The following MYO3B variants were observed in gnomAD, a reference collection of about 807,000 sequenced individuals.
The protein encoded by MYO3B is myosin IIIB.
MYO3B carries 156 observed loss-of-function variants against 174.6 expected under a neutral mutation model. The ratio of observed to expected loss-of-function variants is 0.89; its 90% CI spans 0.78 to 1.02. MYO3B has a LOEUF of 1.02. MYO3B is among the 50% of genes least tolerant of loss of function. The probability of loss-of-function intolerance (pLI) is 0.00; values close to 1 mark genes in which losing one functional copy is unlikely to be tolerated. For missense variants in MYO3B, 1,632 were observed against 1,639.4 expected (o/e 1.00, Z 0.08); for synonymous variants, 563 against 569.1 (o/e 0.99, Z 0.15).
At position 170,455,707 on chromosome 2, in the gene MYO3B, T is replaced by C. The variant is rs1473120135; in HGVS notation, c.2731-7661T>C. On this transcript the variant is annotated intron_variant, in intron 23 of 34. Coordinates refer to ENST00000408978, the MANE Select transcript of MYO3B (RefSeq NM_138995.5). ...GTGGAGCCCATATGTATATAGAAGC[T>C]TGCTCAACTGCTGTGGTGTAGGGAC... Among the ~76,000 whole-genome samples, 4 of 152,308 alleles carry C rather than the reference T, an allele frequency of 2.6e-5. No homozygotes were observed. The East Asian group carries it at 7.7e-4, about 29-fold the overall frequency.
At chr2:170,478,433 A>G (rs1001269043) in intron 25 of MYO3B, among the ~76,000 whole-genome samples, 6 of 152,084 alleles carry the variant, frequency 3.9e-5, no homozygotes, top group Non-Finnish European at 8.8e-5. Flanking sequence ...TAAGAGTCAG[A>G]AAGTGCAGAC....
At chr2:170,360,346 C>T (rs572729788) in intron 8 of MYO3B, among the ~76,000 whole-genome samples, 17 of 152,104 alleles carry the variant, frequency 1.1e-4, no homozygotes, top group South Asian at 2.1e-4. Context: ...AATTGATTTT[C>T]GAATCAAAGA....
At chr2:170,501,974 C>A (rs561403063) in intron 28 of MYO3B, 109 bp downstream of exon 28, 18 of 717,306 alleles carry the variant, frequency 2.5e-5, no homozygotes, top group African/African-American at 2.1e-4. Context: ...TGGAATGAGT[C>A]AAGAGTTCTG....
chr2:170,473,267 C>T (rs945499366), intron 25 of MYO3B, among the ~76,000 whole-genome samples: 3 of 151,124 alleles, frequency 2.0e-5, no homozygotes, highest in African/African-American at 4.9e-5. Flanking sequence ...CTCAGCCTCC[C>T]GAGTAGCTGG....
intron 29 of MYO3B, among the ~76,000 whole-genome samples, chr2:170,518,890 G>A (rs996799274): frequency 2.0e-5 from 3 of 152,300 alleles, no homozygotes; most frequent in Non-Finnish European, 4.4e-5. Context: ...GATTAGCCAT[G>A]GTCACTGGAA....
intron 32 of MYO3B, among the ~76,000 whole-genome samples, chr2:170,649,554 C>A (rs377237699): frequency 6.8e-6 from 1 of 147,584 alleles, no homozygotes; most frequent in African/African-American, 2.5e-5. Flanking sequence ...AAGCTGGGCA[C>A]GGTGGCTCAT....
At chr2:170,466,795 C>G (rs1438642068) in intron 25 of MYO3B, 84 bp downstream of exon 25, 7 of 1,384,938 alleles carry the variant, frequency 5.1e-6, no homozygotes, top group Non-Finnish European at 7.0e-6. Context: ...GTTCCTCCTG[C>G]GTGCTCTCCT....
At chr2:170,357,491 T>C (rs2094131523) in intron 8 of MYO3B, among the ~76,000 whole-genome samples, 1 of 151,638 alleles carries the variant, frequency 6.6e-6, no homozygotes. Flanking sequence ...AAGTCTTTTA[T>C]TTGGTATTCT....
chr2:170,421,050 A>G (rs890613512), intron 22 of MYO3B, among the ~76,000 whole-genome samples: 36 of 152,008 alleles, frequency 2.4e-4, no homozygotes, highest in African/African-American at 8.7e-4. Flanking sequence ...ACCTCTTTCC[A>G]TCGTCTAGAG....
At chr2:170,196,082 T>C (rs2092596977) in intron 1 of MYO3B, among the ~76,000 whole-genome samples, 1 of 152,224 alleles carries the variant, frequency 6.6e-6, no homozygotes, top group Non-Finnish European at 1.5e-5. Context: ...GCTTTACTCT[T>C]CTTTCTGAAA....
In MYO3B at chr2:170,602,083, C is replaced by T. The variant is rs2106344467; in HGVS notation, c.3734-49545C>T. ...TTTATCTTTAGCAGACATGGCCTTC[C>T]ACCTCTCTGAGCACTTCTTAGAAAA... On this transcript the variant is annotated intron_variant, in intron 32 of 34. Coordinates refer to ENST00000408978, the MANE Select transcript of MYO3B (RefSeq NM_138995.5). The T allele has an allele frequency of 4.0e-5, 45 of 1,124,306 alleles. 1 individual carries two copies. The South Asian group carries it at 5.3e-4, about 13-fold the overall frequency. 69.6% of individuals were successfully genotyped at this position (1,124,306 alleles called of 1,614,324 possible). A position where few individuals can be genotyped will look rare whatever the true frequency, so the allele number is the denominator to read the frequency against.
chr2:170,193,921 A>T (rs28711722), intron 1 of MYO3B, among the ~76,000 whole-genome samples: 4 of 152,116 alleles, frequency 2.6e-5, no homozygotes, highest in African/African-American at 9.7e-5. Context: ...TTTTCTGTTT[A>T]ATTTGATTAT....
chr2:170,491,214 C>A (rs72880124), intron 25 of MYO3B, among the ~76,000 whole-genome samples: 15,841 of 152,086 alleles, frequency 0.1, 1,267 homozygotes, highest in East Asian at 0.4. Flanking sequence ...ACTGCTTTAG[C>A]AATCAAATCT....
intron 30 of MYO3B, among the ~76,000 whole-genome samples, chr2:170,541,627 A>G (rs1036933774): frequency 1.3e-5 from 2 of 152,224 alleles, no homozygotes; most frequent in Admixed American, 6.5e-5. Flanking sequence ...TAATAGTAAG[A>G]GTATTCTTAC....
chr2:170,387,393 C>A, intron 14 of MYO3B, 85 bp downstream of exon 14: 1 of 1,289,022 alleles, frequency 7.8e-7, no homozygotes, highest in Non-Finnish European at 1.1e-6. Flanking sequence ...AGTTTTCATT[C>A]TTGTTCTTAA....
At chr2:170,324,403 C>A (rs1434897912) in intron 7 of MYO3B, among the ~76,000 whole-genome samples, 1 of 152,188 alleles carries the variant, frequency 6.6e-6, no homozygotes, top group Non-Finnish European at 1.5e-5. Context: ...AAATTTCATG[C>A]CCATCACAAG....
chr2:170,621,515 G>GTTT (rs145064554), intron 32 of MYO3B, among the ~76,000 whole-genome samples: 1 of 144,694 alleles, frequency 6.9e-6, no homozygotes, highest in Non-Finnish European at 1.5e-5. Context: ...TTGTTTTTTT[G>GTTT]TTTTTTTGTT....
At chr2:170,344,903 A>C (rs1004732328) in intron 8 of MYO3B, 1 of 152,214 alleles carries the variant, frequency 6.6e-6, no homozygotes, top group Middle Eastern at 3.2e-3. Flanking sequence ...AGCTGTCAGG[A>C]TCCCTCTGAA....
chr2:170,226,763 G>A (rs1314469745), intron 6 of MYO3B, among the ~76,000 whole-genome samples: 1 of 152,134 alleles, frequency 6.6e-6, no homozygotes, highest in Non-Finnish European at 1.5e-5. Context: ...CATCCCCTCC[G>A]AGTGCTGAGT....
Sources: allele counts gnomAD v4.1 joint callset (sites outside exome capture counted in the v4.1 genomes callset), GRCh38; gene constraint gnomAD v4.1.1; transcripts MANE v1.5; gene names NCBI Gene and HGNC (gene_info 2026-07-23, HGNC 2026-07-21).